DAPL1: variants seen among roughly 807,000 people sequenced by gnomAD.
The protein encoded by DAPL1 is death associated protein like 1.
In DAPL1, 17 loss-of-function variants were observed where a neutral mutation model predicts 12.9. The observed-to-expected ratio is 1.32, with a 90% CI of 0.90 to 1.98. The LOEUF is 1.98. Ranked by LOEUF, DAPL1 falls within the 30% of genes most tolerant of loss-of-function variation. The pLI, the probability that DAPL1 is intolerant of heterozygous loss-of-function variation, is 0.00. For synonymous variants in DAPL1, 51 were observed against 42.0 expected (o/e 1.21, Z -0.82); for missense variants, 157 against 125.7 (o/e 1.25, Z -1.19).
chr2:158,807,087 T>C lies in DAPL1; in HGVS notation c.179T>C (p.Leu60Pro), dbSNP rs9869. 741,055 of 1,610,226 alleles carry C rather than the reference T, an allele frequency of 0.46. 177,071 individuals are homozygous for C. Among genetic ancestry groups the C allele is most frequent in the East Asian group, 0.8 (35,793 of 44,750 alleles). Residue 60 changes from leucine (L) to proline (P), a missense_variant, in exon 3 of 4, where the codon CTG (leucine) becomes CCG (proline). By Grantham distance (98) the Leu-to-Pro change is moderately conservative. Transcript: ENST00000309950. ...AIANVAKIQT[L>P]DALNDALEKL... The stretch of plus-strand genomic sequence containing the variant: ...GCAAATGTTGCCAAAATACAGACAC[T>C]GGATGCCCTGAATGACGCACTGGAG...
chr2:158,796,326 G>A (rs75506492), intron 1 of DAPL1, among the ~76,000 whole-genome samples: 18 of 152,244 alleles, frequency 1.2e-4, no homozygotes, highest in African/African-American at 4.1e-4. Context: ...AATCTTTGCT[G>A]CAGAGGGTGA....
chr2:158,815,989 G>A lies in DAPL1; in HGVS notation c.*168G>A. ...ATAAAGCATCCAAACTTGTAAATCT[G>A]ACACATCCCTGTGCCTCTTTTTGGT... On this transcript the variant is annotated 3_prime_UTR_variant, in exon 4 of 4. Transcript: ENST00000309950. The A allele has an allele frequency of 1.7e-6, 1 of 600,882 alleles. No homozygotes were observed. The highest frequency in any genetic ancestry group is 2.0e-5 in the South Asian group (1 of 49,760). 37.2% of individuals were successfully genotyped at this position (600,882 alleles called of 1,614,324 possible). A position where few individuals can be genotyped will look rare whatever the true frequency, so the allele number is the denominator to read the frequency against.
chr2:158,805,376 G>C (rs370997937), intron 2 of DAPL1, among the ~76,000 whole-genome samples: 31 of 152,284 alleles, frequency 2.0e-4, no homozygotes, highest in East Asian at 1.4e-3. Context: ...TGACAAAAGG[G>C]AAGCTGTGCG....
At position 158,815,917 on chromosome 2, in the gene DAPL1, CT is replaced by C; in HGVS notation, c.*98del. 2.3e-6 allele frequency: 2 copies of C among 854,062 alleles called. No individual in the cohort carries two copies. Among genetic ancestry groups the C allele is most frequent in the South Asian group, 1.4e-5 (1 of 69,800 alleles). The allele number at this position is 854,062 out of a possible 1,614,324, so 52.9% of individuals were successfully genotyped here. ...GCTTTCCATAGGCGTGCTGCACTTGCTTGGTAAATTAAGCAGCTTTTGTATC... is the reference window on the plus strand; with the variant it reads ...GCTTTCCATAGGCGTGCTGCACTTGCTGGTAAATTAAGCAGCTTTTGTATC... On this transcript the variant is annotated 3_prime_UTR_variant, in exon 4 of 4. Transcript: ENST00000309950.
intron 2 of DAPL1, 76 bp from the exon 3 acceptor site, chr2:158,806,979 C>G: frequency 9.5e-7 from 1 of 1,052,884 alleles, no homozygotes; most frequent in Non-Finnish European, 1.5e-6. Flanking sequence ...GGAGAGACAG[C>G]CCTCTATAAA....
intron 3 of DAPL1, among the ~76,000 whole-genome samples, chr2:158,812,907 G>A (rs542827395): frequency 1.3e-5 from 2 of 151,894 alleles, no homozygotes; most frequent in Admixed American, 6.6e-5. Flanking sequence ...TAGGGACTCA[G>A]AACAGATATT....
intron 3 of DAPL1, among the ~76,000 whole-genome samples, chr2:158,814,902 A>C (rs575847313): frequency 4.3e-4 from 65 of 152,272 alleles, no homozygotes; most frequent in Admixed American, 3.5e-3. Context: ...ACTAGCATGG[A>C]CCCAAAAGGT....
At chr2:158,807,230 C>T in intron 3 of DAPL1, 115 bp downstream of exon 3, 1 of 608,398 alleles carries the variant, frequency 1.6e-6, no homozygotes. Context: ...GGTTTGAGGT[C>T]CTTGTGAAAG....
chr2:158,815,571 A>T, intron 3 of DAPL1, 134 bp from the exon 4 acceptor site: 1 of 699,252 alleles, frequency 1.4e-6, no homozygotes, highest in Middle Eastern at 2.8e-4. Context: ...TAGTATGGAA[A>T]AAAAGAGATA....
chr2:158,808,567 C>T, intron 3 of DAPL1, among the ~76,000 whole-genome samples: 1 of 152,128 alleles, frequency 6.6e-6, no homozygotes, highest in Admixed American at 6.5e-5. Context: ...TGATGATGAG[C>T]CATAGCTACA....
chr2:158,805,465 T>A (rs887325846), intron 2 of DAPL1, among the ~76,000 whole-genome samples: 3 of 152,196 alleles, frequency 2.0e-5, no homozygotes, highest in Non-Finnish European at 4.4e-5. Context: ...GAATGCATTC[T>A]GTAAATGATA....
chr2:158,799,446 T>C (rs1179683375), intron 1 of DAPL1, among the ~76,000 whole-genome samples: 2 of 152,034 alleles, frequency 1.3e-5, no homozygotes, highest in Non-Finnish European at 2.9e-5. Context: ...AGGTATCTAG[T>C]ATAAGCAAAA....
At chr2:158,813,791 A>G (rs187679442) in intron 3 of DAPL1, among the ~76,000 whole-genome samples, 113 of 152,006 alleles carry the variant, frequency 7.4e-4, no homozygotes, top group East Asian at 2.1e-3. Flanking sequence ...GCCTGACCTC[A>G]TGATCCGCCC....
At chr2:158,814,960 A>G (rs905721151) in intron 3 of DAPL1, among the ~76,000 whole-genome samples, 4 of 152,258 alleles carry the variant, frequency 2.6e-5, no homozygotes, top group African/African-American at 9.6e-5. Flanking sequence ...TGAAGTGGTC[A>G]GCAGCATTGG....
intron 1 of DAPL1, among the ~76,000 whole-genome samples, chr2:158,799,495 C>T (rs748900165): frequency 1.2e-4 from 18 of 151,924 alleles, no homozygotes; most frequent in South Asian, 2.1e-4. Context: ...TAAATAATGG[C>T]TTGTCTAGAC....
At chr2:158,799,761 G>A (rs913634768) in intron 1 of DAPL1, among the ~76,000 whole-genome samples, 10 of 152,142 alleles carry the variant, frequency 6.6e-5, no homozygotes, top group South Asian at 2.1e-4. Flanking sequence ...TTATGCTTCC[G>A]AAATTGCTGA....
intron 3 of DAPL1, 84 bp from the exon 4 acceptor site, chr2:158,815,621 C>A (rs1416480438): frequency 2.4e-6 from 2 of 844,436 alleles, no homozygotes; most frequent in South Asian, 1.5e-5. Context: ...TTCCCTTGAT[C>A]AACGATATCA....
At chr2:158,797,743 A>T (rs1194987888) in intron 1 of DAPL1, among the ~76,000 whole-genome samples, 2 of 151,972 alleles carry the variant, frequency 1.3e-5, no homozygotes, top group East Asian at 3.9e-4. Flanking sequence ...GTGAGCAGAG[A>T]TCACGCCACT....
chr2:158,810,353 A>T (rs929674710), intron 3 of DAPL1, among the ~76,000 whole-genome samples: 6 of 152,288 alleles, frequency 3.9e-5, no homozygotes, highest in Admixed American at 3.9e-4. Flanking sequence ...CATCCTCTGC[A>T]TTTATTAACA....
Sources: gnomAD v4.1 joint callset for allele counts (sites outside exome capture counted in the v4.1 genomes callset) on GRCh38, gnomAD v4.1.1 for gene constraint, MANE v1.5 for transcripts, NCBI Gene and HGNC (gene_info 2026-07-23, HGNC 2026-07-21) for gene names.